Variants in PLCB1 observed in about 807,000 individuals in gnomAD.
PLCB1 encodes the protein phospholipase C beta 1.
In PLCB1, 46 loss-of-function variants were observed where a neutral mutation model predicts 161.8. That is an observed-to-expected ratio of 0.28 (90% CI 0.22 to 0.36). The LOEUF (loss-of-function observed/expected upper bound fraction) is 0.36. Ranked by LOEUF, PLCB1 falls within the 10% of genes least tolerant of loss-of-function variation. The probability of loss-of-function intolerance (pLI) is 1.00; values close to 1 mark genes in which losing one functional copy is unlikely to be tolerated. For missense variants in PLCB1, 1,016 were observed against 1,472.5 expected, an observed-to-expected ratio of 0.69 and a Z score of 5.07; for synonymous variants, 517 against 503.7, an observed-to-expected ratio of 1.03 and a Z score of -0.35.
chr20:8,357,262 A>C (rs1360100347), intron 2 of PLCB1, among the ~76,000 whole-genome samples: 1 of 152,246 alleles, frequency 6.6e-6, no homozygotes, highest in Non-Finnish European at 1.5e-5. Flanking sequence ...TAAAAGTCAC[A>C]GTGGGTTCTT....
chr20:8,550,609 C>G (rs917449508), intron 3 of PLCB1, among the ~76,000 whole-genome samples: 1 of 152,128 alleles, frequency 6.6e-6, no homozygotes, highest in African/African-American at 2.4e-5. Flanking sequence ...TCAGGTATTT[C>G]TTCATAGCAG....
At chr20:8,358,977 A>G (rs972072144) in intron 2 of PLCB1, among the ~76,000 whole-genome samples, 5 of 152,232 alleles carry the variant, frequency 3.3e-5, no homozygotes, top group Non-Finnish European at 7.3e-5. Flanking sequence ...GGTCAAGTCA[A>G]GGATGTGTTG....
intron 2 of PLCB1, among the ~76,000 whole-genome samples, chr20:8,307,050 T>C (rs751722772): frequency 2.0e-5 from 3 of 152,236 alleles, no homozygotes; most frequent in Non-Finnish European, 2.9e-5. Flanking sequence ...TGTTTCCAAC[T>C]GTCAGGTCTG....
In PLCB1 at chr20:8,451,849, C is replaced by T. The variant is rs948957329; in HGVS notation, c.246+80399C>T. Among the ~76,000 whole-genome samples the T allele has an allele frequency of 1.1e-4, 16 of 151,438 alleles. No individual in the cohort carries two copies. The East Asian group carries it at 3.1e-3, about 29-fold the overall frequency. On this transcript the variant is annotated intron_variant, in intron 3 of 31. Transcript: ENST00000338037. The stretch of plus-strand genomic sequence containing the variant: ...ATCTCCCTCTTCTTCTTTCTTCCAT[C>T]TCCCTCTTCTTCTTTCTTCCCTCTC...
chr20:8,871,336 C>T (rs1483698255), intron 31 of PLCB1, among the ~76,000 whole-genome samples: 2 of 152,058 alleles, frequency 1.3e-5, no homozygotes, highest in Non-Finnish European at 2.9e-5. Context: ...CAGTGAATGT[C>T]ATCTATTGTA....
intron 10 of PLCB1, among the ~76,000 whole-genome samples, chr20:8,697,216 A>T (rs564971586): frequency 3.3e-5 from 5 of 152,140 alleles, no homozygotes; most frequent in Non-Finnish European, 7.4e-5. Context: ...ATAATCCTGG[A>T]TCTTCTACTT....
intron 2 of PLCB1, among the ~76,000 whole-genome samples, chr20:8,196,687 A>G (rs1432483825): frequency 1.3e-5 from 2 of 150,904 alleles, no homozygotes; most frequent in African/African-American, 2.4e-5. Flanking sequence ...TTTTAATTAT[A>G]CTTTAAGTTC....
At chr20:8,291,381 A>G (rs1983376362) in intron 2 of PLCB1, among the ~76,000 whole-genome samples, 1 of 152,158 alleles carries the variant, frequency 6.6e-6, no homozygotes, top group Non-Finnish European at 1.5e-5. Context: ...CAGCAAAAAC[A>G]GTGGGGCCAC....
chr20:8,132,588 C>A lies in PLCB1; in HGVS notation c.-64C>A. The A allele has an allele frequency of 2.8e-6, 3 of 1,086,294 alleles. No homozygotes were observed. Among genetic ancestry groups the A allele is most frequent in the Non-Finnish European group, 3.8e-6 (3 of 794,332 alleles). 67.3% of individuals were successfully genotyped at this position (1,086,294 alleles called of 1,614,324 possible). A position where few individuals can be genotyped will look rare whatever the true frequency, so the allele number is the denominator to read the frequency against. Reference sequence around the variant, plus strand: ...GGAGCCCGCGCCCCGCGCCCCGCGCCCCGCGCACGGTCCCCAGTCCCTGCC... The same window carrying A: ...GGAGCCCGCGCCCCGCGCCCCGCGCACCGCGCACGGTCCCCAGTCCCTGCC... On this transcript the variant is annotated 5_prime_UTR_variant, in exon 1 of 32. Transcript: ENST00000338037. The surrounding 1 kb of genome is among the most constrained non-coding windows in gnomAD (Gnocchi z 5.2).
At chr20:8,720,637 C>T (rs1979573704) in intron 14 of PLCB1, among the ~76,000 whole-genome samples, 1 of 151,758 alleles carries the variant, frequency 6.6e-6, no homozygotes, top group Non-Finnish European at 1.5e-5. Flanking sequence ...CAAGATTCCC[C>T]CAACATCCCT....
At chr20:8,871,656 T>C (rs1987613410) in intron 31 of PLCB1, among the ~76,000 whole-genome samples, 1 of 152,166 alleles carries the variant, frequency 6.6e-6, no homozygotes, top group African/African-American at 2.4e-5. Context: ...ATACCATTTA[T>C]TGACAAATGC....
At chr20:8,805,597 T>C (rs190658922) in intron 31 of PLCB1, among the ~76,000 whole-genome samples, 53 of 152,350 alleles carry the variant, frequency 3.5e-4, no homozygotes, top group Admixed American at 8.5e-4. Flanking sequence ...TATGGAGCAC[T>C]TACTGCATCA....
At chr20:8,144,819 C>T (rs144949546) in intron 1 of PLCB1, among the ~76,000 whole-genome samples, 76 of 152,256 alleles carry the variant, frequency 5.0e-4, no homozygotes, top group African/African-American at 1.7e-3. Flanking sequence ...TGTGGAACAT[C>T]GCTTGTTACT....
chr20:8,733,702 A>G lies in PLCB1; in HGVS notation c.2043+310A>G, dbSNP rs186106271. ...ACACCTAATGCTAAATGACGAGTTA[A>G]TGGGTGCAGCACACCAGCATGGCAC... On this transcript the variant is annotated intron_variant, in intron 19 of 31. Coordinates refer to ENST00000338037, the MANE Select transcript of PLCB1 (RefSeq NM_015192.4). Among the ~76,000 whole-genome samples the G allele has an allele frequency of 0.023, 3,403 of 150,264 alleles. 136 individuals are homozygous for G. The highest frequency in any genetic ancestry group is 0.08 in the African/African-American group (3,215 of 40,420).
At chr20:8,602,117 T>C (rs1190320819) in intron 3 of PLCB1, among the ~76,000 whole-genome samples, 1 of 152,202 alleles carries the variant, frequency 6.6e-6, no homozygotes, top group Non-Finnish European at 1.5e-5. Flanking sequence ...CTCATGAGAC[T>C]AGTTTGAAAA....
intron 3 of PLCB1, among the ~76,000 whole-genome samples, chr20:8,436,908 G>A (rs1980338102): frequency 6.6e-6 from 1 of 152,068 alleles, no homozygotes; most frequent in African/African-American, 2.4e-5. Flanking sequence ...TCCTGCTTCA[G>A]CCTCCCAAGT....
rs376049375 is a variant in PLCB1, at chr20:8,627,955, G to A, written c.247-339G>A. 6.6e-5 allele frequency among the ~76,000 whole-genome samples: 10 copies of A among 152,276 alleles called. No homozygotes were observed. In the South Asian group the frequency reaches 2.1e-3, roughly 32 times the overall value. On this transcript the variant is annotated intron_variant, in intron 3 of 31. Transcript: ENST00000338037. ...TTGTCTTAGTGCATTCAGGAATTAA[G>A]GAGAAGAATAGAGATTTTTCATTGC...
At chr20:8,830,391 G>T (rs1600364450) in intron 31 of PLCB1, among the ~76,000 whole-genome samples, 1 of 152,328 alleles carries the variant, frequency 6.6e-6, no homozygotes, top group South Asian at 2.1e-4. Context: ...TCCAGCTTTT[G>T]TTTTAGCAGA....
intron 3 of PLCB1, among the ~76,000 whole-genome samples, chr20:8,474,268 A>C (rs1328731933): frequency 6.6e-6 from 1 of 152,186 alleles, no homozygotes; most frequent in Non-Finnish European, 1.5e-5. Flanking sequence ...TGGCAGGTAG[A>C]GTTTCATGCT....
Sources: allele counts gnomAD v4.1 joint callset (sites outside exome capture counted in the v4.1 genomes callset), GRCh38; gene constraint gnomAD v4.1.1; non-coding constraint Gnocchi (gnomAD v3.1); transcripts MANE v1.5; gene names NCBI Gene and HGNC (gene_info 2026-07-23, HGNC 2026-07-21).